UBA2: variants seen among roughly 807,000 people sequenced by gnomAD.
UBA2 encodes SUMO-activating enzyme subunit 2.
Under a neutral mutation model 77.2 loss-of-function variants are expected in UBA2, and 11 were observed. The observed-to-expected ratio is 0.14, with a 90% CI of 0.09 to 0.24. The LOEUF (loss-of-function observed/expected upper bound fraction) is 0.24. Among genes scored for constraint, UBA2 ranks in the 10% least tolerant of loss-of-function variants. The pLI, the probability that UBA2 is intolerant of heterozygous loss-of-function variation, is 1.00. For missense variants in UBA2, 487 were observed against 781.7 expected, an observed-to-expected ratio of 0.62 and a Z score of 4.50; for synonymous variants, 278 against 276.7, an observed-to-expected ratio of 1.00 and a Z score of -0.05.
chr19:34,429,202 G>A (rs2075223499), intron 1 of UBA2: 1 of 985,024 alleles, frequency 1.0e-6, no homozygotes, highest in Admixed American at 6.2e-5. Flanking sequence ...CTGCGTGACT[G>A]TCATTGCTCT....
At position 34,440,890 on chromosome 19, in the gene UBA2, C is replaced by T. The variant is rs192975137; in HGVS notation, c.581+2124C>T. The stretch of plus-strand genomic sequence containing the variant: ...GCAGTGAGCCGAGATCGCTCTGCTG[C>T]GCTCCAGCCTGGGCAACAGAGCAAG... On this transcript the variant is annotated intron_variant, in intron 6 of 16. Coordinates refer to ENST00000246548, the MANE Select transcript of UBA2 (RefSeq NM_005499.3). Among the ~76,000 whole-genome samples the T allele has an allele frequency of 6.9e-3, 1,011 of 147,086 alleles. 22 individuals carry two copies. The highest frequency in any genetic ancestry group is 0.024 in the African/African-American group (945 of 39,466).
rs114436691 is a variant in UBA2 at position 34,460,908 on chromosome 19, A to G, written c.1498+342A>G. Among the ~76,000 whole-genome samples the G allele has an allele frequency of 1.9e-3, 283 of 152,314 alleles. 2 individuals are homozygous for G. The highest frequency in any genetic ancestry group is 6.1e-3 in the African/African-American group (252 of 41,584). On this transcript the variant is annotated intron_variant, in intron 14 of 16. Transcript: ENST00000246548. ...TAAGGCATTTGGAGATTTTTCTCCA[A>G]GAGTGGGGAAGCCTTGGTAGCCTGT...
intron 7 of UBA2, among the ~76,000 whole-genome samples, 153 bp from the exon 8 acceptor site, chr19:34,444,847 T>C (rs913678779): frequency 2.6e-5 from 4 of 152,198 alleles, no homozygotes; most frequent in Admixed American, 2.0e-4. Flanking sequence ...AAAAAGATGC[T>C]GATGAATGTG....
intron 1 of UBA2, 49 bp downstream of exon 1, chr19:34,428,619 T>C: frequency 1.1e-6 from 1 of 904,464 alleles, no homozygotes; most frequent in Non-Finnish European, 1.4e-6. Flanking sequence ...GTGCGGGGGC[T>C]GGGATTCGGG....
chr19:34,436,791 A>G (rs939358737), intron 5 of UBA2, among the ~76,000 whole-genome samples: 2 of 152,202 alleles, frequency 1.3e-5, no homozygotes, highest in Admixed American at 1.3e-4. Context: ...CAGCTTATTC[A>G]TGTTAGAAAT....
chr19:34,438,508 G>T, intron 5 of UBA2, 137 bp from the exon 6 acceptor site: 1 of 1,039,290 alleles, frequency 9.6e-7, no homozygotes, highest in Non-Finnish European at 1.4e-6. Context: ...AAGCATTTTG[G>T]AGTCACTAAT....
rs2075396725 is a variant in UBA2, at chr19:34,443,856, G to A, written c.594G>A (p.Gly198=). The stretch of plus-strand genomic sequence containing the variant: ...TCTTAAATTATAGCCAGTTGTTTGG[G>A]GAAGAAGATGCTGATCAAGAAGTAT... ...WAKYLFNQLF[G]EEDADQEVSP... The change falls in exon 7 of 17, where the codon GGG becomes GGA. Residue 198 remains glycine (G), a synonymous_variant. Coordinates refer to ENST00000246548, the MANE Select transcript of UBA2 (RefSeq NM_005499.3). The A allele has an allele frequency of 6.2e-7, 1 of 1,606,790 alleles. No individual in the cohort carries two copies.
At chr19:34,446,933 C>T (rs1036258011) in intron 8 of UBA2, among the ~76,000 whole-genome samples, 1 of 152,110 alleles carries the variant, frequency 6.6e-6, no homozygotes, top group Non-Finnish European at 1.5e-5. Flanking sequence ...ATCCCTATTG[C>T]ATTTATTTCC....
At chr19:34,438,258 G>C (rs563612297) in intron 5 of UBA2, among the ~76,000 whole-genome samples, 1 of 150,386 alleles carries the variant, frequency 6.6e-6, no homozygotes, top group East Asian at 1.9e-4. Context: ...AAATGGCTGC[G>C]AATAATATTT....
intron 16 of UBA2, 143 bp from the exon 17 acceptor site, chr19:34,468,897 C>A (rs753733125): frequency 6.1e-5 from 36 of 590,702 alleles, no homozygotes; most frequent in Non-Finnish European, 8.9e-5. Flanking sequence ...TATGGAAATA[C>A]GTAATGTGTA....
rs148589197 is a variant in UBA2, at chr19:34,439,772, A to G, written c.581+1006A>G. 1.8e-3 allele frequency among the ~76,000 whole-genome samples: 267 copies of G among 152,266 alleles called. 1 individual carries two copies. Among genetic ancestry groups the G allele is most frequent in the African/African-American group, 6.2e-3 (256 of 41,548 alleles). ...GAGGTTGAGGCTGCAGTGAACCGAG[A>G]TAGTGCCACTGCACTCCAGCCTGGG... On this transcript the variant is annotated intron_variant, in intron 6 of 16. Coordinates refer to ENST00000246548, the MANE Select transcript of UBA2 (RefSeq NM_005499.3).
chr19:34,454,353 T>G lies in UBA2; in HGVS notation c.1132T>G (p.Ser378Ala), dbSNP rs756644073. 1 of 1,609,486 alleles carries G rather than the reference T, an allele frequency of 6.2e-7. No individual in the cohort carries two copies. Among genetic ancestry groups the G allele is most frequent in the South Asian group, 1.1e-5 (1 of 89,922 alleles). Residue 378 changes from serine (S) to alanine (A), a missense_variant and splice_region_variant, in exon 11 of 17, where the codon TCA (serine) becomes GCA (alanine). Around this residue, in one of 9 missense-constraint regions of UBA2, gnomAD observed 300 missense variants for 454.3 expected, o/e 0.66. Transcript: ENST00000246548. ...MNMKSRFDIK[S>A]MAGNIIPAIA... ...TATGAAGAGTAGATTTGATATCAAA[T>G]GTAAGTTATTTGTACTAAAGTTGTA...
At chr19:34,439,603 G>A (rs925150634) in intron 6 of UBA2, among the ~76,000 whole-genome samples, 1 of 152,208 alleles carries the variant, frequency 6.6e-6, no homozygotes, top group Non-Finnish European at 1.5e-5. Context: ...GGTGAGATGG[G>A]AGGATCCCTT....
chr19:34,439,334 A>T (rs1193315547), intron 6 of UBA2, among the ~76,000 whole-genome samples: 1 of 152,164 alleles, frequency 6.6e-6, no homozygotes, highest in East Asian at 1.9e-4. Flanking sequence ...CAAATAACCC[A>T]TTGGTTATAA....
Position 34,454,349 on chromosome 19 carries a change from C to T in UBA2, c.1128C>T (p.Ile376=). ...FSMNMKSRFD[I]KSMAGNIIPA... ...TGAATATGAAGAGTAGATTTGATATCAAATGTAAGTTATTTGTACTAAAGT... is the reference window on the plus strand; with the variant it reads ...TGAATATGAAGAGTAGATTTGATATTAAATGTAAGTTATTTGTACTAAAGT... The change falls in exon 11 of 17, where the codon ATC becomes ATT. Residue 376 remains isoleucine, a synonymous_variant. Transcript: ENST00000246548. 1 of 1,609,172 alleles carries T rather than the reference C, an allele frequency of 6.2e-7. No homozygotes were observed. The highest frequency in any genetic ancestry group is 8.5e-7 in the Non-Finnish European group (1 of 1,177,996).
chr19:34,460,243 C>T (rs1429404064), intron 13 of UBA2, among the ~76,000 whole-genome samples: 1 of 152,128 alleles, frequency 6.6e-6, no homozygotes, highest in Non-Finnish European at 1.5e-5. Context: ...TCCTAGTCCC[C>T]TGTTGAGATG....
intron 12 of UBA2, 146 bp from the exon 13 acceptor site, chr19:34,458,623 T>A: frequency 1.4e-5 from 6 of 427,680 alleles, no homozygotes; most frequent in Non-Finnish European, 2.4e-5. Context: ...CCTAAAAAGG[T>A]CATGATTTTC....
Position 34,458,777 on chromosome 19 carries a change from G to C in UBA2, c.1254G>C (p.Leu418Phe). The C allele has an allele frequency of 6.2e-7, 1 of 1,603,096 alleles. No homozygotes were observed. Among genetic ancestry groups the C allele is most frequent in the South Asian group, 1.1e-5 (1 of 88,568 alleles). The change falls in exon 13 of 17, where the codon TTG (leucine) becomes TTC (phenylalanine). Residue 418 changes from leucine (L) to phenylalanine (F), a missense_variant. By Grantham distance (22) the Leu-to-Phe change is conservative (BLOSUM62 0). Transcript: ENST00000246548. Reference protein sequence around the residue: ...GKIDQCRTIFLNKQPNPRKKL... With the variant: ...GKIDQCRTIFFNKQPNPRKKL... ...TTATTTCTCCTCCAAAGATTTTTTTGAATAAACAACCAAACCCAAGAAAGA... is the reference window on the plus strand; with the variant it reads ...TTATTTCTCCTCCAAAGATTTTTTTCAATAAACAACCAAACCCAAGAAAGA...
At chr19:34,460,395 T>C in intron 13 of UBA2, 75 bp from the exon 14 acceptor site, 1 of 983,692 alleles carries the variant, frequency 1.0e-6, no homozygotes, top group Non-Finnish European at 1.5e-6. Context: ...TAAGAGCCTT[T>C]ATAGAAGTCT....
Sources: gnomAD v4.1 joint callset for allele counts (sites outside exome capture counted in the v4.1 genomes callset) on GRCh38, gnomAD v4.1.1 for gene constraint, gnomAD v4.1.1 regional missense constraint, MANE v1.5 for transcripts, NCBI Gene and HGNC (gene_info 2026-07-23, HGNC 2026-07-21) for gene names.